The following RUNX2 variants were observed in gnomAD, a reference collection of about 807,000 sequenced individuals.
RUNX2 encodes the protein RUNX family transcription factor 2.
In RUNX2, 10 loss-of-function variants were observed where a neutral mutation model predicts 51.7. The observed-to-expected ratio is 0.19, with a 90% confidence interval of 0.12 to 0.33. The LOEUF (loss-of-function observed/expected upper bound fraction) is 0.33, where lower values mean the gene tolerates loss of function less well. Ranked by LOEUF, RUNX2 falls within the 10% of genes least tolerant of loss-of-function variation. The pLI is 1.00. For missense variants in RUNX2, 562 were observed against 691.3 expected (o/e 0.81, Z 2.10); for synonymous variants, 276 against 273.6 (o/e 1.01, Z -0.09).
chr6:45,458,872 T>C (rs1464751293), intron 5 of RUNX2, among the ~76,000 whole-genome samples: 1 of 152,222 alleles, frequency 6.6e-6, no homozygotes, highest in Admixed American at 6.5e-5. Context: ...GCAAATGTTA[T>C]GGATGCAAAA....
intron 2 of RUNX2, among the ~76,000 whole-genome samples, chr6:45,411,760 G>A (rs909571422): frequency 1.3e-5 from 2 of 151,754 alleles, no homozygotes; most frequent in African/African-American, 2.4e-5. Context: ...TGTAGTTATG[G>A]GCACACTATA....
intron 2 of RUNX2, among the ~76,000 whole-genome samples, chr6:45,350,817 G>A (rs1284179392): frequency 6.6e-6 from 1 of 152,092 alleles, no homozygotes; most frequent in Non-Finnish European, 1.5e-5. Flanking sequence ...AATGAATGAA[G>A]TCTTTACATT....
At chr6:45,392,842 C>G (rs887000156) in intron 2 of RUNX2, among the ~76,000 whole-genome samples, 2 of 151,956 alleles carry the variant, frequency 1.3e-5, no homozygotes, top group Admixed American at 6.6e-5. Context: ...TTCTTTCTTT[C>G]TTCCCCTTCT....
intron 6 of RUNX2, among the ~76,000 whole-genome samples, chr6:45,504,784 A>C (rs1800908901): frequency 6.6e-6 from 1 of 152,202 alleles, no homozygotes; most frequent in South Asian, 2.1e-4. Context: ...GTAGCAATTA[A>C]GAGGCATAGT....
Position 45,461,120 on chromosome 6 carries a change from T to C in RUNX2, c.685+23069T>C, listed in dbSNP as rs75936328. ...AGAACAGCTGGTTTGGAACAGAGGA[T>C]GAATGTTGGGGAGAAGAGGAAAATC... On this transcript the variant is annotated intron_variant, in intron 5 of 8. Coordinates refer to ENST00000647337, the MANE Select transcript of RUNX2 (RefSeq NM_001024630.4). Among the ~76,000 whole-genome samples the C allele has an allele frequency of 0.013, 2,020 of 152,178 alleles. 102 individuals are homozygous for C. The East Asian group carries it at 0.17, about 13-fold the overall frequency.
chr6:45,522,735 T>C lies in RUNX2; in HGVS notation c.1021+10328T>C, dbSNP rs1043796692. Among the ~76,000 whole-genome samples the C allele has an allele frequency of 5.9e-5, 9 of 152,230 alleles. No individual in the cohort carries two copies. In the South Asian group the frequency reaches 1.7e-3, roughly 28 times the overall value. Reference sequence around the variant, plus strand: ...TTTCTATCTCTAACTCCTACTCCGATGCTCAGCATGCATAATGTCGTGGGA... The same window carrying C: ...TTTCTATCTCTAACTCCTACTCCGACGCTCAGCATGCATAATGTCGTGGGA... On this transcript the variant is annotated intron_variant, in intron 7 of 8. Coordinates refer to ENST00000647337, the MANE Select transcript of RUNX2 (RefSeq NM_001024630.4).
At chr6:45,485,689 G>GTATATA (rs1563107039) in intron 5 of RUNX2, among the ~76,000 whole-genome samples, 1 of 75,680 alleles carries the variant, frequency 1.3e-5, no homozygotes, top group African/African-American at 4.9e-5. Flanking sequence ...GTGTGTGTGT[G>GTATATA]TGTGTGTGTA....
intron 7 of RUNX2, among the ~76,000 whole-genome samples, chr6:45,538,294 CAT>C (rs1215005318): frequency 2.6e-5 from 4 of 152,210 alleles, no homozygotes; most frequent in African/African-American, 9.6e-5. Flanking sequence ...TAATTGACCA[CAT>C]ATGTTATCAA....
chr6:45,431,876 G>C lies in RUNX2; in HGVS notation c.437G>C (p.Gly146Ala). 1 of 1,614,136 alleles carries C rather than the reference G, an allele frequency of 6.2e-7. No homozygotes were observed. Among genetic ancestry groups the C allele is most frequent in the Non-Finnish European group, 8.5e-7 (1 of 1,179,994 alleles). ...TGTTTTATGTAGGTGGTAGCCCTCG[G>C]AGAGGTACCAGATGGGACTGTGGTT... ...LPVAFKVVAL[G>A]EVPDGTVVTV... Residue 146 changes from glycine to alanine, a missense_variant, in exon 4 of 9, where the codon GGA becomes GCA. Physicochemically the swap from Gly to Ala is moderately conservative, Grantham distance 60. This residue lies in a region of RUNX2 where 67 missense variants were observed against 106.5 expected (regional missense o/e 0.63). Transcript: ENST00000647337.
At chr6:45,400,133 AGGAG>A (rs1268495790) in intron 2 of RUNX2, among the ~76,000 whole-genome samples, 19 of 134,602 alleles carry the variant, frequency 1.4e-4, no homozygotes, top group African/African-American at 4.3e-4. Context: ...GAGGGAAGGA[AGGAG>A]GGAGGGAGGG....
intron 3 of RUNX2, among the ~76,000 whole-genome samples, chr6:45,426,528 C>T (rs990326139): frequency 1.3e-5 from 2 of 152,132 alleles, no homozygotes; most frequent in South Asian, 4.1e-4. Flanking sequence ...AACTTAGTTG[C>T]CTTAAATAGC....
At chr6:45,395,701 G>T (rs1797567017) in intron 2 of RUNX2, among the ~76,000 whole-genome samples, 1 of 152,096 alleles carries the variant, frequency 6.6e-6, no homozygotes, top group Non-Finnish European at 1.5e-5. Context: ...TTGTTCTGTT[G>T]CCCAGGCTGG....
rs185739156 is a variant in RUNX2, at chr6:45,470,031, G to A, written c.686-21910G>A. ...CATTTAAGCTACTGCACACACTATC[G>A]CCACTGGAAAAGTAGATATTTTTTC... On this transcript the variant is annotated intron_variant, in intron 5 of 8. Transcript: ENST00000647337. Among the ~76,000 whole-genome samples the A allele has an allele frequency of 5.9e-5, 9 of 152,238 alleles. No individual in the cohort carries two copies. The East Asian group carries it at 1.3e-3, about 23-fold the overall frequency.
intron 2 of RUNX2, among the ~76,000 whole-genome samples, chr6:45,380,419 C>T (rs940408367): frequency 6.6e-6 from 1 of 152,188 alleles, no homozygotes; most frequent in Non-Finnish European, 1.5e-5. Context: ...ATGTAATATT[C>T]ACGTAGACTC....
intron 2 of RUNX2, among the ~76,000 whole-genome samples, chr6:45,378,642 A>C (rs1322801172): frequency 6.7e-6 from 1 of 149,856 alleles, no homozygotes; most frequent in Non-Finnish European, 1.5e-5. Flanking sequence ...TGTTATTGAA[A>C]ACTTTTTCTA....
chr6:45,512,954 T>TA (rs1443300805), intron 7 of RUNX2, among the ~76,000 whole-genome samples: 3 of 152,156 alleles, frequency 2.0e-5, no homozygotes, highest in Non-Finnish European at 4.4e-5. Flanking sequence ...TCTGAGTGGC[T>TA]AACTCAAGAA....
chr6:45,477,423 G>A (rs575506308), intron 5 of RUNX2, among the ~76,000 whole-genome samples: 1 of 152,098 alleles, frequency 6.6e-6, no homozygotes, highest in Non-Finnish European at 1.5e-5. Context: ...ATGTCCCATG[G>A]GTACTTCAAA....
chr6:45,542,265 G>A (rs573884848), intron 7 of RUNX2, among the ~76,000 whole-genome samples: 3 of 152,298 alleles, frequency 2.0e-5, no homozygotes, highest in Non-Finnish European at 4.4e-5. Context: ...GGAGGGGCAA[G>A]ATGTTTTAAT....
chr6:45,385,317 C>A (rs1199123412), intron 2 of RUNX2, among the ~76,000 whole-genome samples: 1 of 152,140 alleles, frequency 6.6e-6, no homozygotes, highest in African/African-American at 2.4e-5. Flanking sequence ...CAATGCCCAA[C>A]CCAAGTTTTT....
Sources: allele counts gnomAD v4.1 joint callset (sites outside exome capture counted in the v4.1 genomes callset), GRCh38; gene constraint gnomAD v4.1.1; regional missense constraint gnomAD v4.1.1; transcripts MANE v1.5; gene names NCBI Gene and HGNC (gene_info 2026-07-23, HGNC 2026-07-21).